MTSS1: variants seen among roughly 807,000 people sequenced by gnomAD.
MTSS1 encodes protein MTSS 1.
A neutral mutation model predicts 79.0 loss-of-function variants in MTSS1; 18 were observed. The observed-to-expected ratio is 0.23, with a 90% CI of 0.16 to 0.34. The LOEUF is 0.34. Among genes scored for constraint, MTSS1 ranks in the 10% least tolerant of loss-of-function variants. The pLI is 1.00. For missense variants in MTSS1, 815 were observed against 986.2 expected, an observed-to-expected ratio of 0.83 and a Z score of 2.33; for synonymous variants, 341 against 368.6, an observed-to-expected ratio of 0.93 and a Z score of 0.86.
At chr8:124,644,512 A>T (rs931904210) in intron 3 of MTSS1, among the ~76,000 whole-genome samples, 3 of 152,236 alleles carry the variant, frequency 2.0e-5, no homozygotes, top group African/African-American at 7.2e-5. Flanking sequence ...CCACAATTTA[A>T]TTTTAGCATC....
At chr8:124,703,109 C>T (rs887230987) in intron 2 of MTSS1, among the ~76,000 whole-genome samples, 3 of 151,970 alleles carry the variant, frequency 2.0e-5, no homozygotes, top group African/African-American at 4.8e-5. Context: ...CAATCATCAC[C>T]GCAATCCAAT....
intron 3 of MTSS1, among the ~76,000 whole-genome samples, chr8:124,689,871 G>A (rs1265076976): frequency 6.6e-6 from 1 of 152,118 alleles, no homozygotes; most frequent in Non-Finnish European, 1.5e-5. Context: ...AGTGGGGATG[G>A]GGTGGGGTAT....
chr8:124,568,946 C>A, intron 6 of MTSS1: 2 of 991,436 alleles, frequency 2.0e-6, no homozygotes, highest in South Asian at 2.7e-5. Flanking sequence ...CAAAAACGGG[C>A]ACGGGCTGGC....
At chr8:124,592,399 T>C (rs1832022298) in intron 3 of MTSS1, among the ~76,000 whole-genome samples, 1 of 152,152 alleles carries the variant, frequency 6.6e-6, no homozygotes, top group African/African-American at 2.4e-5. Flanking sequence ...GGGAAAAGTG[T>C]CAAATAAAGC....
At chr8:124,630,596 A>AGCACAG (rs1815732057) in intron 3 of MTSS1, among the ~76,000 whole-genome samples, 1 of 152,230 alleles carries the variant, frequency 6.6e-6, no homozygotes, top group South Asian at 2.1e-4. Flanking sequence ...ACTGGTCTAC[A>AGCACAG]GCACAGGCTT....
At chr8:124,669,689 CA>C (rs1275048950) in intron 3 of MTSS1, among the ~76,000 whole-genome samples, 5 of 152,150 alleles carry the variant, frequency 3.3e-5, no homozygotes, top group Admixed American at 1.3e-4. Context: ...TTCAGGGACA[CA>C]AAGCAAAGCA....
intron 6 of MTSS1, among the ~76,000 whole-genome samples, chr8:124,571,703 T>C (rs1304053335): frequency 2.6e-5 from 4 of 152,230 alleles, no homozygotes; most frequent in African/African-American, 9.6e-5. Context: ...CGGTGGCTCA[T>C]GCTTCTAATC....
chr8:124,696,759 G>A (rs1482247934), intron 3 of MTSS1, among the ~76,000 whole-genome samples: 8 of 151,842 alleles, frequency 5.3e-5, no homozygotes, highest in African/African-American at 1.9e-4. Flanking sequence ...GCTGAGGCAG[G>A]AGAATCACTT....
chr8:124,575,575 T>TTG (rs1554646281), intron 6 of MTSS1, among the ~76,000 whole-genome samples: 2 of 106,330 alleles, frequency 1.9e-5, no homozygotes, highest in Non-Finnish European at 4.0e-5. Context: ...GGGTGGGTTT[T>TTG]TTGTTGTTGT....
chr8:124,563,699 G>C (rs1825801146), intron 9 of MTSS1, among the ~76,000 whole-genome samples: 1 of 152,216 alleles, frequency 6.6e-6, no homozygotes, highest in Admixed American at 6.5e-5. Flanking sequence ...AGCACACTTG[G>C]CAAGAGGCAG....
Position 124,620,285 on chromosome 8 carries a change from T to C in MTSS1, c.209-29050A>G, listed in dbSNP as rs1288404177. On this transcript the variant is annotated intron_variant, in intron 3 of 13. Coordinates refer to ENST00000518547, the MANE Select transcript of MTSS1 (RefSeq NM_014751.6). Reference sequence around the variant, plus strand: ...TCTATCCACTGCTTTAACTTTCTCCTGTTCATCATCTTCAACAGATGCAAA... The same window carrying C: ...TCTATCCACTGCTTTAACTTTCTCCCGTTCATCATCTTCAACAGATGCAAA... Among the ~76,000 whole-genome samples, 4 of 152,216 alleles carry C rather than the reference T, an allele frequency of 2.6e-5. No individual in the cohort carries two copies. In the East Asian group the frequency reaches 7.7e-4, roughly 29 times the overall value.
chr8:124,722,102 A>G (rs546436965), intron 1 of MTSS1, among the ~76,000 whole-genome samples: 10 of 151,620 alleles, frequency 6.6e-5, no homozygotes, highest in Admixed American at 6.5e-4. Context: ...CACACAGTTC[A>G]AAAGGCACTC....
At position 124,565,702 on chromosome 8, in the gene MTSS1, A is replaced by T; in HGVS notation, c.784T>A (p.Ser262Thr). The T allele has an allele frequency of 6.2e-7, 1 of 1,613,970 alleles. No homozygotes were observed. The highest frequency in any genetic ancestry group is 1.1e-5 in the South Asian group (1 of 91,070). ...YSWSYQTPPS[S>T]PSTTMSRKSS... ...TTTCTGGACATGGTGGTGCTGGGGG[A>T]AGAGGGTGGCGTCTGATACGACCAG... The change falls in exon 9 of 14, where the codon TCC becomes ACC. Residue 262 changes from serine (S) to threonine (T), a missense_variant. This residue lies in a region of MTSS1 where 225 missense variants were observed against 365.4 expected (regional missense o/e 0.62). Transcript: ENST00000518547.
intron 3 of MTSS1, among the ~76,000 whole-genome samples, chr8:124,663,038 C>T (rs1822370110): frequency 6.6e-6 from 1 of 152,140 alleles, no homozygotes; most frequent in South Asian, 2.1e-4. Context: ...ATCTGGGCCC[C>T]ACTCCCCACC....
intron 3 of MTSS1, among the ~76,000 whole-genome samples, chr8:124,693,900 C>CA (rs1254087644): frequency 1.3e-4 from 19 of 150,448 alleles, no homozygotes; most frequent in Admixed American, 9.9e-4. Context: ...ATATTAGAGC[C>CA]AAAAAAAAAT....
At chr8:124,601,467 G>A (rs1385316926) in intron 3 of MTSS1, among the ~76,000 whole-genome samples, 1 of 152,234 alleles carries the variant, frequency 6.6e-6, no homozygotes, top group Non-Finnish European at 1.5e-5. Flanking sequence ...CAGGGCTCGG[G>A]ACTGTGTCAT....
chr8:124,642,258 A>G (rs1287935598), intron 3 of MTSS1, among the ~76,000 whole-genome samples: 1 of 152,220 alleles, frequency 6.6e-6, no homozygotes, highest in African/African-American at 2.4e-5. Context: ...TTAACGAATC[A>G]ATCAGCAGAT....
chr8:124,559,592 G>C (rs1180012863), intron 10 of MTSS1, among the ~76,000 whole-genome samples: 5 of 152,184 alleles, frequency 3.3e-5, no homozygotes, highest in Non-Finnish European at 7.3e-5. Flanking sequence ...GTCCCTGCTG[G>C]AGTCCTAGTC....
intron 3 of MTSS1, among the ~76,000 whole-genome samples, chr8:124,610,362 A>C (rs1835586302): frequency 1.3e-5 from 2 of 152,154 alleles, no homozygotes; most frequent in Admixed American, 6.5e-5. Context: ...AATTACTAAC[A>C]ATCTCTGAAG....
Sources: gnomAD v4.1 joint callset for allele counts (sites outside exome capture counted in the v4.1 genomes callset) on GRCh38, gnomAD v4.1.1 for gene constraint, gnomAD v4.1.1 regional missense constraint, MANE v1.5 for transcripts, NCBI Gene and HGNC (gene_info 2026-07-23, HGNC 2026-07-21) for gene names.